ZEB1: variants seen among roughly 807,000 people sequenced by gnomAD.
ZEB1 encodes zinc finger E-box-binding homeobox 1.
Under a neutral mutation model 84.9 loss-of-function variants are expected in ZEB1, and 21 were observed. The ratio of observed to expected loss-of-function variants is 0.25; its 90% confidence interval spans 0.18 to 0.36. The LOEUF is 0.36. ZEB1 is among the 10% of genes least tolerant of loss of function. ZEB1 has a pLI of 1.00. For synonymous variants in ZEB1, 420 were observed against 471.1 expected, an observed-to-expected ratio of 0.89 and a Z score of 1.41; for missense variants, 1,104 against 1,330.2, an observed-to-expected ratio of 0.83 and a Z score of 2.65.
At chr10:31,357,925 T>A (rs990574438) in intron 1 of ZEB1, among the ~76,000 whole-genome samples, 8 of 152,288 alleles carry the variant, frequency 5.3e-5, no homozygotes, top group Admixed American at 2.0e-4. Context: ...ATCAGGATTG[T>A]GTGTTTCCTC....
chr10:31,503,842 T>C (rs1241256823), intron 4 of ZEB1, among the ~76,000 whole-genome samples: 3 of 152,132 alleles, frequency 2.0e-5, no homozygotes, highest in Non-Finnish European at 2.9e-5. Flanking sequence ...TTTGTATATC[T>C]GTGGCTATTT....
At chr10:31,458,905 T>G (rs1049685845) in intron 1 of ZEB1, among the ~76,000 whole-genome samples, 1 of 152,142 alleles carries the variant, frequency 6.6e-6, no homozygotes, top group African/African-American at 2.4e-5. Context: ...CCTTGACTTA[T>G]GAATTATGAT....
chr10:31,379,549 G>A (rs74854558), intron 1 of ZEB1, among the ~76,000 whole-genome samples: 46 of 151,924 alleles, frequency 3.0e-4, no homozygotes, highest in Non-Finnish European at 4.1e-4. Flanking sequence ...CTTTTAAAGC[G>A]TGGGTCAATC....
At chr10:31,384,969 C>A (rs1302695575) in intron 1 of ZEB1, among the ~76,000 whole-genome samples, 1 of 152,088 alleles carries the variant, frequency 6.6e-6, no homozygotes, top group Non-Finnish European at 1.5e-5. Flanking sequence ...CCCTTCCCCC[C>A]AAAGTTAGTT....
intron 1 of ZEB1, among the ~76,000 whole-genome samples, chr10:31,323,982 TG>T (rs2034830610): frequency 6.6e-6 from 1 of 151,792 alleles, no homozygotes; most frequent in Non-Finnish European, 1.5e-5. Flanking sequence ...TGTGTGTGTG[TG>T]TGTGTGTGTG....
At chr10:31,401,313 C>A (rs1232935119) in intron 1 of ZEB1, among the ~76,000 whole-genome samples, 2 of 152,160 alleles carry the variant, frequency 1.3e-5, no homozygotes, top group Non-Finnish European at 2.9e-5. Flanking sequence ...ATACAAGTGA[C>A]ACTTTTTACC....
chr10:31,371,654 C>T (rs1444692690), intron 1 of ZEB1, among the ~76,000 whole-genome samples: 2 of 152,120 alleles, frequency 1.3e-5, no homozygotes, highest in Non-Finnish European at 2.9e-5. Context: ...CACTCACTCT[C>T]CCCCATCATA....
rs756898403 is a variant in ZEB1, at chr10:31,495,811, G to T, written c.295G>T (p.Ala99Ser). 2 of 1,613,018 alleles carry T rather than the reference G, an allele frequency of 1.2e-6. No homozygotes were observed. The highest frequency in any genetic ancestry group is 1.1e-5 in the South Asian group (1 of 91,068). The change falls in exon 3 of 9, where the codon GCT (alanine) becomes TCT (serine). Residue 99 changes from alanine to serine, a missense_variant. Ala to Ser is a moderately conservative substitution (Grantham distance 99, BLOSUM62 1). Transcript: ENST00000424869. ...AGGGCAAGAAATCCTGGGGCCTGAAGCTCAGGCAGATGAAGCAGGATGTAC... is the reference window on the plus strand; with the variant it reads ...AGGGCAAGAAATCCTGGGGCCTGAATCTCAGGCAGATGAAGCAGGATGTAC... ...KEGQEILGPE[A>S]QADEAGCTVK...
At chr10:31,495,425 G>T (rs955566188) in intron 2 of ZEB1, among the ~76,000 whole-genome samples, 3 of 151,776 alleles carry the variant, frequency 2.0e-5, no homozygotes, top group Non-Finnish European at 1.5e-5. Flanking sequence ...AGATATCTTC[G>T]TGAGTTTGGT....
At chr10:31,364,319 T>C (rs1235173865) in intron 1 of ZEB1, among the ~76,000 whole-genome samples, 1 of 152,144 alleles carries the variant, frequency 6.6e-6, no homozygotes, top group Non-Finnish European at 1.5e-5. Context: ...GGCAAGTGTG[T>C]GGCCCTGGAT....
rs2060608574 is a variant in ZEB1 at position 31,451,887 on chromosome 10, A to C, written c.59-9150A>C. ...GAGAGAGTAACAAAGAAATCCTACG[A>C]ATCCTTAGTAACTTTCATGTAATGA... is the stretch of plus-strand genomic sequence containing the variant. On this transcript the variant is annotated intron_variant, in intron 1 of 8. Transcript: ENST00000424869. Among the ~76,000 whole-genome samples, 12 of 152,302 alleles carry C rather than the reference A, an allele frequency of 7.9e-5. No individual in the cohort carries two copies. In the South Asian group the frequency reaches 2.3e-3, roughly 29 times the overall value.
rs1465152585 is a variant in ZEB1 at position 31,527,952 on chromosome 10, C to G, written c.*688C>G. 1.3e-5 allele frequency: 2 copies of G among 152,264 alleles called. No homozygotes were observed. Among genetic ancestry groups the G allele is most frequent in the Non-Finnish European group, 2.9e-5 (2 of 68,092 alleles). The allele number at this position is 152,264 out of a possible 1,614,324, so 9.4% of individuals were successfully genotyped here. On this transcript the variant is annotated 3_prime_UTR_variant, in exon 9 of 9. Coordinates refer to ENST00000424869, the MANE Select transcript of ZEB1 (RefSeq NM_001174096.2). ...TAGAAGAACTGAAGTTTCTTACTCA[C>G]GTGGTTTAAAATGGAGTTCAAAAGA...
At chr10:31,471,440 A>G (rs1373098304) in intron 2 of ZEB1, among the ~76,000 whole-genome samples, 1 of 151,696 alleles carries the variant, frequency 6.6e-6, no homozygotes, top group Non-Finnish European at 1.5e-5. Flanking sequence ...CAGACCTTAA[A>G]CCAATAAAGA....
intron 1 of ZEB1, among the ~76,000 whole-genome samples, chr10:31,400,327 C>T (rs895967477): frequency 6.6e-6 from 1 of 152,016 alleles, no homozygotes; most frequent in Admixed American, 6.5e-5. Flanking sequence ...TAACATAGTT[C>T]AGGGATTTTT....
At chr10:31,333,950 C>T (rs1204570878) in intron 1 of ZEB1, among the ~76,000 whole-genome samples, 5 of 151,788 alleles carry the variant, frequency 3.3e-5, no homozygotes, top group South Asian at 2.1e-4. Flanking sequence ...AAAACCTGTC[C>T]GAGAGAGTGA....
chr10:31,499,542 A>G (rs1444998593), intron 3 of ZEB1, among the ~76,000 whole-genome samples: 2 of 152,156 alleles, frequency 1.3e-5, no homozygotes, highest in African/African-American at 2.4e-5. Flanking sequence ...CAGTGTGTCA[A>G]TACATATTTT....
rs187849769 is a variant in ZEB1 at position 31,399,200 on chromosome 10, G to A, written c.59-61837G>A. Among the ~76,000 whole-genome samples, 128 of 152,060 alleles carry A rather than the reference G, an allele frequency of 8.4e-4. 1 individual carries two copies. Among genetic ancestry groups the A allele is most frequent in the Non-Finnish European group, 1.5e-3 (103 of 67,968 alleles). ...AGTAGAAATGGGGTTTCACCATGTC[G>A]GCCCGGCTGGTTTTGAACTCCTGAC... On this transcript the variant is annotated intron_variant, in intron 1 of 8. Transcript: ENST00000424869.
intron 4 of ZEB1, among the ~76,000 whole-genome samples, chr10:31,510,424 G>A (rs182902896): frequency 3.3e-5 from 5 of 152,288 alleles, no homozygotes; most frequent in Non-Finnish European, 5.9e-5. Context: ...TTGAAGGTCA[G>A]ACAGCCCGTA....
chr10:31,471,947 G>C (rs927312869), intron 2 of ZEB1, among the ~76,000 whole-genome samples: 3 of 138,664 alleles, frequency 2.2e-5, no homozygotes, highest in Non-Finnish European at 4.4e-5. Context: ...TGAACAACCT[G>C]CTCCTGAATG....
Sources: allele counts gnomAD v4.1 joint callset (sites outside exome capture counted in the v4.1 genomes callset), GRCh38; gene constraint gnomAD v4.1.1; transcripts MANE v1.5; gene names NCBI Gene and HGNC (gene_info 2026-07-23, HGNC 2026-07-21).